GET1: variants seen among roughly 807,000 people sequenced by gnomAD.
GET1 encodes guided entry of tail-anchored proteins factor 1.
A neutral mutation model predicts 22.6 loss-of-function variants in GET1; 20 were observed. The ratio of observed to expected loss-of-function variants is 0.89; its 90% CI spans 0.62 to 1.29. The LOEUF (loss-of-function observed/expected upper bound fraction) is 1.29. GET1 is among the 50% of genes most tolerant of loss of function. The probability of loss-of-function intolerance (pLI) is 0.00; values close to 1 mark genes in which losing one functional copy is unlikely to be tolerated. For missense variants in GET1, 209 were observed against 219.9 expected, an observed-to-expected ratio of 0.95 and a Z score of 0.31; for synonymous variants, 92 against 83.8, an observed-to-expected ratio of 1.10 and a Z score of -0.53.
chr21:39,399,456 ATTTTT>A (rs66922956), downstream of GET1, among the ~76,000 whole-genome samples: 10,698 of 151,962 alleles, frequency 0.07, 493 homozygotes, highest in Non-Finnish European at 0.11. Flanking sequence ...AATTTATTTT[ATTTTT>A]TGAGATGGAG....
chr21:39,396,583 A>G (rs556821585), intron 4 of GET1, among the ~76,000 whole-genome samples: 1 of 148,032 alleles, frequency 6.8e-6, no homozygotes, highest in East Asian at 2.1e-4. Context: ...GCTACTCGGG[A>G]GGCTGAGGCA....
chr21:39,390,892 T>C, intron 2 of GET1, 29 bp downstream of exon 2: 5 of 1,612,024 alleles, frequency 3.1e-6, no homozygotes, highest in Non-Finnish European at 3.4e-6. Context: ...CCTGGAGGCT[T>C]CATGAGAGCG....
rs987493481 is a variant in GET1 at position 39,380,353 on chromosome 21, T to C, written c.-32T>C. 1.3e-6 allele frequency: 2 copies of C among 1,573,890 alleles called. No individual in the cohort carries two copies. Among genetic ancestry groups the C allele is most frequent in the African/African-American group, 2.7e-5 (2 of 74,128 alleles). The stretch of plus-strand genomic sequence containing the variant: ...TGTTGTGGTCCCCATGGAGCTGCCG[T>C]AGCGGACCCAGCACAGCCAGGAGCG... On this transcript the variant is annotated 5_prime_UTR_variant, in exon 1 of 5. The change abolishes the stop of an existing upstream ORF in the 5' untranslated region. Transcript: ENST00000649170.
At chr21:39,423,829 C>T (rs1025462224) in intron 1 of GET1, among the ~76,000 whole-genome samples, 2 of 152,032 alleles carry the variant, frequency 1.3e-5, no homozygotes, top group African/African-American at 4.8e-5. Flanking sequence ...AAAATCTGTA[C>T]TTAGATTTCT....
chr21:39,398,456 A>T (rs1402078926), downstream of GET1, among the ~76,000 whole-genome samples: 1 of 152,172 alleles, frequency 6.6e-6, no homozygotes, highest in Non-Finnish European at 1.5e-5. Context: ...CAGTTGTTAC[A>T]AGAATTTTGA....
At position 39,390,840 on chromosome 21, in the gene GET1, T is replaced by G; in HGVS notation, c.245T>G (p.Met82Arg). ...AGGCTGGAAAGAAAGATCAACAAGA[T>G]GACGGATAAGCTCAAAACCCATGGT... Reference protein sequence around the residue: ...YARLERKINKMTDKLKTHVKA... With the variant: ...YARLERKINKRTDKLKTHVKA... Residue 82 changes from methionine to arginine, a missense_variant, in exon 2 of 5, where the codon ATG becomes AGG. By Grantham distance (91) the Met-to-Arg change is moderately conservative. Coordinates refer to ENST00000649170, the MANE Select transcript of GET1 (RefSeq NM_004627.6). The G allele has an allele frequency of 6.2e-7, 1 of 1,614,140 alleles. No individual in the cohort carries two copies. Among genetic ancestry groups the G allele is most frequent in the Non-Finnish European group, 8.5e-7 (1 of 1,180,040 alleles).
chr21:39,390,945 A>G (rs1308153792), intron 2 of GET1, 82 bp downstream of exon 2: 7 of 1,483,236 alleles, frequency 4.7e-6, no homozygotes, highest in Non-Finnish European at 6.4e-6. Flanking sequence ...TAGAATACAT[A>G]CTTTGCTTCT....
intron 1 of GET1, chr21:39,381,039 C>T (rs757274218): frequency 1.5e-5 from 12 of 775,398 alleles, no homozygotes; most frequent in Non-Finnish European, 1.4e-5. Context: ...GAGTACATTA[C>T]CTCTGTCTCA....
chr21:39,387,583 C>A (rs1262801200), intron 1 of GET1, among the ~76,000 whole-genome samples: 1 of 152,078 alleles, frequency 6.6e-6, no homozygotes, highest in African/African-American at 2.4e-5. Flanking sequence ...ACAAAGAGAG[C>A]TGGATTTGAA....
intron 1 of GET1, chr21:39,423,404 C>T (rs947353048): frequency 6.2e-7 from 1 of 1,606,954 alleles, no homozygotes; most frequent in African/African-American, 1.3e-5. Context: ...GCCATAGCAT[C>T]TCTTCTTTGG....
intron 1 of GET1, among the ~76,000 whole-genome samples, chr21:39,417,493 T>A (rs1400512158): frequency 6.6e-6 from 1 of 152,264 alleles, no homozygotes; most frequent in Non-Finnish European, 1.5e-5. Flanking sequence ...GTTTATTTTT[T>A]AAATGTAGGC....
At chr21:39,404,253 C>G (rs1006559867) in intron 4 of GET1, among the ~76,000 whole-genome samples, 1 of 152,136 alleles carries the variant, frequency 6.6e-6, no homozygotes, top group Non-Finnish European at 1.5e-5. Flanking sequence ...GACTGAGCAG[C>G]TAGCTCGAAT....
chr21:39,400,670 C>T (rs2038816901), downstream of GET1, among the ~76,000 whole-genome samples: 1 of 152,120 alleles, frequency 6.6e-6, no homozygotes. Context: ...CATTGGAATC[C>T]CAGGCCAGGC....
downstream of GET1, among the ~76,000 whole-genome samples, chr21:39,401,561 C>T (rs2837008): frequency 0.68 from 103,212 of 152,116 alleles, 35,176 homozygotes; most frequent in East Asian, 0.77. Context: ...GTATCACATA[C>T]TTGAATCTGT....
At chr21:39,411,948 A>C in intron 1 of GET1, 1 of 535,632 alleles carries the variant, frequency 1.9e-6, no homozygotes, top group Non-Finnish European at 3.4e-6. Context: ...ATATCATCCT[A>C]TACCATTCCT....
rs201188685 is a variant in GET1 at position 39,390,770 on chromosome 21, G to C, written c.175G>C (p.Glu59Gln). The stretch of plus-strand genomic sequence containing the variant: ...AGCGGAGATCCAGGACATGAAGCAG[G>C]AGCTCTCCACAGTCAACATGATGGA... ...MRAEIQDMKQ[E>Q]LSTVNMMDEF... is the part of the protein sequence containing the mutation. Residue 59 changes from glutamate (E) to glutamine (Q), a missense_variant, in exon 2 of 5, where the codon GAG becomes CAG. Coordinates refer to ENST00000649170, the MANE Select transcript of GET1 (RefSeq NM_004627.6). 1.6e-4 allele frequency: 251 copies of C among 1,614,178 alleles called. 1 individual carries two copies. The South Asian group carries it at 2.6e-3, about 17-fold the overall frequency.
intron 1 of GET1, chr21:39,422,692 G>A: frequency 4.0e-6 from 2 of 497,958 alleles, no homozygotes; most frequent in Non-Finnish European, 7.0e-6. Context: ...CACTGTAGCT[G>A]TGCTCTCTTA....
At chr21:39,380,665 A>C in intron 1 of GET1, 179 bp downstream of exon 1, 2 of 1,416,286 alleles carry the variant, frequency 1.4e-6, no homozygotes, top group Admixed American at 2.8e-5. Context: ...CTTTACCCCA[A>C]AATCAGACTT....
intron 4 of GET1, among the ~76,000 whole-genome samples, chr21:39,393,551 AC>A (rs1403197153): frequency 1.3e-5 from 2 of 152,116 alleles, no homozygotes; most frequent in African/African-American, 2.4e-5. Flanking sequence ...CAAGTCTGAT[AC>A]CCCATTGAAA....
Sources: gnomAD v4.1 joint callset for allele counts (sites outside exome capture counted in the v4.1 genomes callset) on GRCh38, gnomAD v4.1.1 for gene constraint, MANE v1.5 for transcripts, NCBI Gene and HGNC (gene_info 2026-07-23, HGNC 2026-07-21) for gene names.